The following PARG variants were observed in gnomAD, a reference collection of about 807,000 sequenced individuals.
PARG encodes the protein mitochondrial poly(ADP-ribose) glycohydrolase.
Under a neutral mutation model 113.0 loss-of-function variants are expected in PARG, and 35 were observed. The observed-to-expected ratio is 0.31, with a 90% CI of 0.24 to 0.41. The LOEUF (loss-of-function observed/expected upper bound fraction) is 0.41, where lower values mean the gene tolerates loss of function less well. Among genes scored for constraint, PARG ranks in the 10% least tolerant of loss-of-function variants. The probability of loss-of-function intolerance (pLI) is 1.00; values close to 1 mark genes in which losing one functional copy is unlikely to be tolerated. For missense variants in PARG, 797 were observed against 1,169.4 expected, an observed-to-expected ratio of 0.68 and a Z score of 4.64; for synonymous variants, 330 against 409.9, an observed-to-expected ratio of 0.81 and a Z score of 2.36.
chr10:49,880,173 T>C (rs1406427415), intron 8 of PARG, among the ~76,000 whole-genome samples: 2 of 152,204 alleles, frequency 1.3e-5, no homozygotes, highest in African/African-American at 4.8e-5. Context: ...AACAAAAATA[T>C]ATAACATTGT....
intron 16 of PARG, among the ~76,000 whole-genome samples, chr10:49,825,902 G>A (rs1278763896): frequency 6.6e-6 from 1 of 152,200 alleles, no homozygotes; most frequent in African/African-American, 2.4e-5. Flanking sequence ...TGCTGACACA[G>A]GTTGAGTATC....
intron 7 of PARG, among the ~76,000 whole-genome samples, chr10:49,899,030 C>T (rs2664488): frequency 2.0e-5 from 3 of 151,778 alleles, no homozygotes; most frequent in Non-Finnish European, 1.5e-5. Flanking sequence ...TATGTAAAAC[C>T]GTCAATAAAA....
chr10:49,848,947 T>C (rs1275225489), intron 13 of PARG, among the ~76,000 whole-genome samples: 1 of 151,652 alleles, frequency 6.6e-6, no homozygotes, highest in Admixed American at 6.6e-5. Flanking sequence ...AAAACATTGT[T>C]AAGATGTCAA....
intron 16 of PARG, among the ~76,000 whole-genome samples, chr10:49,830,236 C>T (rs1360077708): frequency 6.6e-6 from 1 of 152,180 alleles, no homozygotes; most frequent in Non-Finnish European, 1.5e-5. Flanking sequence ...TTACAGCAGA[C>T]CTAGCTTCTG....
intron 15 of PARG, among the ~76,000 whole-genome samples, chr10:49,834,081 C>T (rs1028714596): frequency 1.3e-5 from 2 of 152,098 alleles, no homozygotes. Flanking sequence ...GATCATTATT[C>T]AACACTGTGG....
intron 16 of PARG, among the ~76,000 whole-genome samples, chr10:49,820,677 C>T (rs1050179697): frequency 1.3e-5 from 2 of 149,544 alleles, no homozygotes; most frequent in Non-Finnish European, 3.0e-5. Context: ...GAGCCGAGAT[C>T]GCACCACTGC....
At chr10:49,826,419 C>G (rs146139267) in intron 16 of PARG, among the ~76,000 whole-genome samples, 1 of 152,302 alleles carries the variant, frequency 6.6e-6, no homozygotes, top group Non-Finnish European at 1.5e-5. Context: ...CTATAAAACT[C>G]AGTCAAAGGG....
intron 4 of PARG, among the ~76,000 whole-genome samples, chr10:49,929,802 G>A (rs1170310749): frequency 1.7e-4 from 25 of 150,244 alleles, no homozygotes; most frequent in East Asian, 5.9e-4. Flanking sequence ...CTCCAGCCTG[G>A]GCAGCAAGAG....
chr10:49,897,447 C>T lies in PARG; in HGVS notation c.1738-12152G>A, dbSNP rs191619385. Among the ~76,000 whole-genome samples, 5 of 152,298 alleles carry T rather than the reference C, an allele frequency of 3.3e-5. No homozygotes were observed. In the East Asian group the frequency reaches 7.7e-4, roughly 23 times the overall value. On this transcript the variant is annotated intron_variant, in intron 7 of 17. Transcript: ENST00000616448. ...CTCTATGACTCTAGAGCCAAATGTA[C>T]ATACTTGTATTAGAACACTTACTGC... is the stretch of plus-strand genomic sequence containing the variant.
Position 49,890,841 on chromosome 10 carries a change from G to A in PARG, c.1738-5546C>T, listed in dbSNP as rs190095016. Among the ~76,000 whole-genome samples, 204 of 152,234 alleles carry A rather than the reference G, an allele frequency of 1.3e-3. 1 individual carries two copies. Among genetic ancestry groups the A allele is most frequent in the African/African-American group, 4.6e-3 (193 of 41,542 alleles). Reference sequence around the variant, plus strand: ...TAAATGTGCTCTAATATTTATGAAAGACATATTTATACATGACTAAGTACT... The same window carrying A: ...TAAATGTGCTCTAATATTTATGAAAAACATATTTATACATGACTAAGTACT... On this transcript the variant is annotated intron_variant, in intron 7 of 17. Coordinates refer to ENST00000616448, the MANE Select transcript of PARG (RefSeq NM_003631.5).
intron 1 of PARG, among the ~76,000 whole-genome samples, chr10:49,940,026 C>A (rs1402844912): frequency 0.05 from 7,654 of 152,342 alleles, 292 homozygotes; most frequent in Non-Finnish European, 0.081. Flanking sequence ...GTTCCTAAGG[C>A]ATCTGCCCTA....
intron 7 of PARG, among the ~76,000 whole-genome samples, chr10:49,898,134 T>C (rs2132725952): frequency 6.6e-6 from 1 of 152,344 alleles, no homozygotes; most frequent in South Asian, 2.1e-4. Flanking sequence ...TACTCTTGTA[T>C]TAACCACAGA....
chr10:49,901,519 C>T (rs1167984766), intron 7 of PARG, among the ~76,000 whole-genome samples: 2 of 151,900 alleles, frequency 1.3e-5, no homozygotes, highest in African/African-American at 4.8e-5. Context: ...TATTATAGTG[C>T]TTAATTCTTA....
chr10:49,917,819 G>GAAA (rs782349676), intron 6 of PARG, among the ~76,000 whole-genome samples: 1 of 57,324 alleles, frequency 1.7e-5, no homozygotes, highest in Non-Finnish European at 3.6e-5. Context: ...TCCTGTCTCA[G>GAAA]AAAAAAAAAA....
chr10:49,840,174 G>A (rs1432894538), intron 15 of PARG, among the ~76,000 whole-genome samples: 1 of 152,106 alleles, frequency 6.6e-6, no homozygotes, highest in East Asian at 1.9e-4. Context: ...GAGATCACTT[G>A]AGCCCAGGAG....
chr10:49,877,233 T>G (rs1846986099), intron 9 of PARG, among the ~76,000 whole-genome samples: 1 of 145,440 alleles, frequency 6.9e-6, no homozygotes, highest in African/African-American at 2.4e-5. Context: ...AAAATTTACA[T>G]TAGGAACTAA....
At chr10:49,896,848 C>T (rs1169095334) in intron 7 of PARG, among the ~76,000 whole-genome samples, 1 of 152,178 alleles carries the variant, frequency 6.6e-6, no homozygotes, top group East Asian at 1.9e-4. Context: ...CTCCTCCTCT[C>T]TTATTTGAGT....
intron 3 of PARG, among the ~76,000 whole-genome samples, 176 bp downstream of exon 3, chr10:49,933,001 G>C (rs1838565161): frequency 6.6e-6 from 1 of 152,112 alleles, no homozygotes; most frequent in Non-Finnish European, 1.5e-5. Flanking sequence ...CTTGTTTTCT[G>C]TTTCTAGCCT....
intron 4 of PARG, among the ~76,000 whole-genome samples, chr10:49,928,060 CAGGAGTTTA>C (rs1554851149): frequency 1.3e-5 from 2 of 151,790 alleles, no homozygotes; most frequent in African/African-American, 4.8e-5. Context: ...CACCTGAGGT[CAGGAGTTTA>C]AGAGTAGCCT....
Sources: allele counts gnomAD v4.1 joint callset (sites outside exome capture counted in the v4.1 genomes callset), GRCh38; gene constraint gnomAD v4.1.1; transcripts MANE v1.5; gene names NCBI Gene and HGNC (gene_info 2026-07-23, HGNC 2026-07-21).